Variants in MRPS9 observed in about 807,000 individuals in gnomAD.
The protein encoded by MRPS9 is mitochondrial ribosomal protein S9, also known as small ribosomal subunit protein uS9m.
In MRPS9, 45 loss-of-function variants were observed where a neutral mutation model predicts 59.9. The ratio of observed to expected loss-of-function variants is 0.75; its 90% CI spans 0.59 to 0.96. The LOEUF is 0.96. Ranked by LOEUF, MRPS9 falls within the 40% of genes least tolerant of loss-of-function variation. MRPS9 has a pLI of 0.00. For missense variants in MRPS9, 473 were observed against 481.1 expected (o/e 0.98, Z 0.16); for synonymous variants, 171 against 166.8 (o/e 1.03, Z -0.19).
At chr2:105,092,379 A>G (rs746993803) in intron 7 of MRPS9, 22 bp from the exon 8 acceptor site, 3 of 1,563,450 alleles carry the variant, frequency 1.9e-6, no homozygotes, top group Non-Finnish European at 2.6e-6. Context: ...TGCACCTTCT[A>G]ATGAATTTTT....
At chr2:105,039,242 ATC>A (rs1679457035) in intron 1 of MRPS9, among the ~76,000 whole-genome samples, 1 of 150,034 alleles carries the variant, frequency 6.7e-6, no homozygotes, top group Non-Finnish European at 1.5e-5. Context: ...AAAAAAAAAC[ATC>A]TTTTTGTATG....
At chr2:105,044,991 T>C (rs1379334779) in intron 1 of MRPS9, among the ~76,000 whole-genome samples, 3 of 151,948 alleles carry the variant, frequency 2.0e-5, no homozygotes, top group Non-Finnish European at 2.9e-5. Flanking sequence ...ACCAATGATA[T>C]AAAAAGCTAA....
intron 2 of MRPS9, among the ~76,000 whole-genome samples, chr2:105,052,825 T>C (rs1270624927): frequency 6.6e-6 from 1 of 152,244 alleles, no homozygotes; most frequent in African/African-American, 2.4e-5. Flanking sequence ...TTGTGGTCTG[T>C]GTGTCCCAGA....
rs56216293 is a variant in MRPS9, at chr2:105,077,244, C to CAAAAAAAAAA, written c.410-2736_410-2727dup. Among the ~76,000 whole-genome samples, 155 of 115,416 alleles carry CAAAAAAAAAA rather than the reference C, an allele frequency of 1.3e-3. 4 individuals carry two copies. The highest frequency in any genetic ancestry group is 2.2e-3 in the Non-Finnish European group (122 of 55,010). The allele number at this position is 115,416 out of a possible 152,430, so 75.7% of individuals were successfully genotyped here. A position where few individuals can be genotyped will look rare whatever the true frequency, so the allele number is the denominator to read the frequency against. On this transcript the variant is annotated intron_variant, in intron 4 of 10. Transcript: ENST00000258455. Reference sequence around the variant, plus strand: ...TGGGCAATAGAGGGAGACTCCATCTCAAAAAAAAAAAAGAAGAAGAAAAGA... The same window carrying CAAAAAAAAAA: ...TGGGCAATAGAGGGAGACTCCATCTCAAAAAAAAAAAAAAAAAAAAAAGAAGAAGAAAAGA...
chr2:105,093,660 T>G (rs776709227), intron 9 of MRPS9, 22 bp downstream of exon 9: 7 of 1,372,680 alleles, frequency 5.1e-6, no homozygotes, highest in Non-Finnish European at 7.1e-6. Flanking sequence ...GTTCTGATTT[T>G]TTGTTTTTAA....
intron 1 of MRPS9, among the ~76,000 whole-genome samples, chr2:105,040,755 A>T (rs1679486626): frequency 6.6e-6 from 1 of 152,168 alleles, no homozygotes; most frequent in Non-Finnish European, 1.5e-5. Context: ...AATATCAGGG[A>T]TCTATGGTGT....
intron 5 of MRPS9, among the ~76,000 whole-genome samples, chr2:105,082,780 C>A (rs1680373183): frequency 1.3e-5 from 2 of 152,150 alleles, no homozygotes; most frequent in Non-Finnish European, 2.9e-5. Context: ...GGTTCACTTG[C>A]AAGGCACTTG....
chr2:105,040,911 G>A (rs1373819896), intron 1 of MRPS9, among the ~76,000 whole-genome samples: 1 of 152,262 alleles, frequency 6.6e-6, no homozygotes, highest in Admixed American at 6.5e-5. Context: ...GCAAATAGGA[G>A]TTATATGAAA....
chr2:105,068,606 C>A (rs1429729477), intron 2 of MRPS9, among the ~76,000 whole-genome samples: 1 of 152,214 alleles, frequency 6.6e-6, no homozygotes, highest in Non-Finnish European at 1.5e-5. Flanking sequence ...TCCCTCTACT[C>A]TCACCCAACC....
rs145256469 is a variant in MRPS9 at position 105,076,025 on chromosome 2, TA to T, written c.410-3957del. On this transcript the variant is annotated intron_variant, in intron 4 of 10. Transcript: ENST00000258455. ...AAAAAAAAAAGTGTGGCTAAAAAAG[TA>T]TGAATTAGAAAACTGAAAGAAATTA... is the stretch of plus-strand genomic sequence containing the variant. Among the ~76,000 whole-genome samples the T allele has an allele frequency of 2.8e-3, 420 of 152,144 alleles. 1 individual carries two copies. Among genetic ancestry groups the T allele is most frequent in the African/African-American group, 9.8e-3 (408 of 41,494 alleles).
At chr2:105,040,490 A>G (rs1549727) in intron 1 of MRPS9, among the ~76,000 whole-genome samples, 72,218 of 152,048 alleles carry the variant, frequency 0.47, 17,346 homozygotes, top group East Asian at 0.66. Context: ...ATAAACAGTA[A>G]ATATTACAAT....
chr2:105,049,856 T>A (rs1026427307), intron 2 of MRPS9, among the ~76,000 whole-genome samples: 6 of 152,218 alleles, frequency 3.9e-5, no homozygotes, highest in African/African-American at 1.4e-4. Context: ...TTGCTAGACA[T>A]CCTAGAGTAG....
intron 4 of MRPS9, among the ~76,000 whole-genome samples, chr2:105,072,596 C>T (rs1228987973): frequency 6.6e-6 from 1 of 152,056 alleles, no homozygotes; most frequent in Admixed American, 6.6e-5. Context: ...AAGCATGAAA[C>T]TCAGCAGCAA....
At chr2:105,077,088 A>AATAC (rs1472475026) in intron 4 of MRPS9, among the ~76,000 whole-genome samples, 1 of 152,088 alleles carries the variant, frequency 6.6e-6, no homozygotes, top group Non-Finnish European at 1.5e-5. Context: ...CTCTACTAAA[A>AATAC]ATACAAAATA....
intron 2 of MRPS9, among the ~76,000 whole-genome samples, chr2:105,069,493 G>C (rs1005469543): frequency 6.6e-6 from 1 of 152,144 alleles, no homozygotes; most frequent in Non-Finnish European, 1.5e-5. Context: ...GATGACAGGC[G>C]TGAGCCACCA....
At chr2:105,076,867 C>T (rs1319496731) in intron 4 of MRPS9, among the ~76,000 whole-genome samples, 1 of 151,566 alleles carries the variant, frequency 6.6e-6, no homozygotes, top group Non-Finnish European at 1.5e-5. Context: ...AAGCAGCTTA[C>T]TAGAGAAATG....
intron 2 of MRPS9, among the ~76,000 whole-genome samples, chr2:105,050,612 A>G (rs887751192): frequency 6.6e-6 from 1 of 152,228 alleles, no homozygotes; most frequent in Non-Finnish European, 1.5e-5. Flanking sequence ...TAGATATTAC[A>G]TTTTAAAAAT....
intron 4 of MRPS9, among the ~76,000 whole-genome samples, chr2:105,074,678 G>T (rs529248039): frequency 6.6e-6 from 1 of 152,316 alleles, no homozygotes; most frequent in Admixed American, 6.5e-5. Flanking sequence ...AAATAGTTGA[G>T]CCAGAATGTA....
intron 2 of MRPS9, 134 bp from the exon 3 acceptor site, chr2:105,071,179 T>C: frequency 1.5e-6 from 1 of 657,604 alleles, no homozygotes; most frequent in East Asian, 2.8e-5. Context: ...TATCATCCCA[T>C]TGAAACATTT....
Sources: allele counts gnomAD v4.1 joint callset (sites outside exome capture counted in the v4.1 genomes callset), GRCh38; gene constraint gnomAD v4.1.1; transcripts MANE v1.5; gene names NCBI Gene and HGNC (gene_info 2026-07-23, HGNC 2026-07-21).